The following CTDSPL2 variants were observed in gnomAD, a reference collection of about 807,000 sequenced individuals.
CTDSPL2 encodes the protein CTD small phosphatase-like protein 2.
A neutral mutation model predicts 60.0 loss-of-function variants in CTDSPL2; 5 were observed. The observed-to-expected ratio is 0.08, with a 90% CI of 0.04 to 0.18. The LOEUF (loss-of-function observed/expected upper bound fraction) is 0.18. Among genes scored for constraint, CTDSPL2 ranks in the 10% least tolerant of loss-of-function variants. The pLI, the probability that CTDSPL2 is intolerant of heterozygous loss-of-function variation, is 1.00. For missense variants in CTDSPL2, 370 were observed against 548.8 expected (o/e 0.67, Z 3.26); for synonymous variants, 186 against 189.3 (o/e 0.98, Z 0.14).
At chr15:44,497,609 A>T (rs1384457482) in intron 7 of CTDSPL2, among the ~76,000 whole-genome samples, 1 of 152,026 alleles carries the variant, frequency 6.6e-6, no homozygotes, top group Admixed American at 6.6e-5. Flanking sequence ...TGACCTCATG[A>T]TCCGCCCGCC....
intron 1 of CTDSPL2, among the ~76,000 whole-genome samples, chr15:44,446,189 G>T (rs777166862): frequency 5.9e-5 from 9 of 152,100 alleles, no homozygotes; most frequent in Non-Finnish European, 1.0e-4. Flanking sequence ...CTCCCAAAGT[G>T]CTGGGATTAC....
chr15:44,476,093 A>G (rs538668482), intron 2 of CTDSPL2, among the ~76,000 whole-genome samples: 274 of 152,174 alleles, frequency 1.8e-3, no homozygotes, highest in African/African-American at 6.0e-3. Flanking sequence ...TTTGAGATGG[A>G]GTCTTCGCTC....
intron 1 of CTDSPL2, among the ~76,000 whole-genome samples, chr15:44,441,627 G>T (rs766129269): frequency 7.2e-5 from 11 of 152,086 alleles, no homozygotes; most frequent in Non-Finnish European, 1.2e-4. Flanking sequence ...AGGTGAGCCC[G>T]TGCTTGCTTT....
intron 1 of CTDSPL2, among the ~76,000 whole-genome samples, chr15:44,452,091 T>G (rs1052128169): frequency 4.6e-5 from 7 of 152,132 alleles, no homozygotes; most frequent in African/African-American, 1.7e-4. Context: ...TTCCAACAAA[T>G]CAGTGATCAA....
At chr15:44,430,620 G>A (rs2079837719) in intron 1 of CTDSPL2, among the ~76,000 whole-genome samples, 2 of 152,156 alleles carry the variant, frequency 1.3e-5, no homozygotes, top group African/African-American at 2.4e-5. Context: ...AAAATGGTTT[G>A]CCAGAATTTG....
Position 44,439,652 on chromosome 15 carries a change from T to C in CTDSPL2, c.-25+11880T>C, listed in dbSNP as rs573506206. Among the ~76,000 whole-genome samples the C allele has an allele frequency of 2.0e-4, 30 of 152,190 alleles. No individual in the cohort carries two copies. The South Asian group carries it at 4.8e-3, about 24-fold the overall frequency. On this transcript the variant is annotated intron_variant, in intron 1 of 12. Transcript: ENST00000260327. Reference sequence around the variant, plus strand: ...CATTTCAGGTTTTGTATTTTCAAATTAGGGATACTCAACCTGTAATTTATC... The same window carrying C: ...CATTTCAGGTTTTGTATTTTCAAATCAGGGATACTCAACCTGTAATTTATC...
chr15:44,474,043 G>T (rs1456123660), intron 2 of CTDSPL2, among the ~76,000 whole-genome samples: 2 of 152,078 alleles, frequency 1.3e-5, no homozygotes, highest in African/African-American at 2.4e-5. Flanking sequence ...GCCCAGGCTG[G>T]TCTCCAACTT....
rs761715308 is a variant in CTDSPL2 at position 44,490,961 on chromosome 15, C to G, written c.653C>G (p.Ala218Gly). 1 of 1,614,058 alleles carries G rather than the reference C, an allele frequency of 6.2e-7. No homozygotes were observed. Among genetic ancestry groups the G allele is most frequent in the Non-Finnish European group, 8.5e-7 (1 of 1,179,986 alleles). ...RPSLNNGLEE[A>G]EETVNRDIPP... ...TCACTAAACAATGGTTTAGAAGAAG[C>G]AGAAGAAACAGTTAATCGTGATATC... Residue 218 changes from alanine (A) to glycine (G), a missense_variant, in exon 5 of 13, where the codon GCA (alanine) becomes GGA (glycine). This residue lies in a region of CTDSPL2 where 287 missense variants were observed against 296.1 expected (regional missense o/e 0.97). Transcript: ENST00000260327.
intron 8 of CTDSPL2, among the ~76,000 whole-genome samples, chr15:44,502,251 A>C (rs1042712819): frequency 1.3e-5 from 2 of 151,966 alleles, no homozygotes; most frequent in African/African-American, 2.4e-5. Context: ...TAGCATTTAC[A>C]TATATATGTA....
In CTDSPL2 at chr15:44,486,718, A is replaced by C; in HGVS notation, c.475+18A>C. ...TAAAAATGGTAAGTATAAACTGTTA[A>C]CTGTGATTTGGATTTTTTTTAAAAA... On this transcript the variant is annotated intron_variant, in intron 4 of 12. Transcript: ENST00000260327. The C allele has an allele frequency of 6.7e-7, 1 of 1,490,028 alleles. No individual in the cohort carries two copies. The highest frequency in any genetic ancestry group is 9.0e-7 in the Non-Finnish European group (1 of 1,116,072). 92.3% of individuals were successfully genotyped at this position (1,490,028 alleles called of 1,614,324 possible).
chr15:44,497,021 T>C lies in CTDSPL2; in HGVS notation c.771-6T>C. On this transcript the variant is annotated splice_polypyrimidine_tract_variant and splice_region_variant and intron_variant, in intron 6 of 12. Coordinates refer to ENST00000260327, the MANE Select transcript of CTDSPL2 (RefSeq NM_016396.3). ...TGTTGAAATTTTCTTAAAATCTGAT[T>C]TATAGCTATTATTTCATCAAACATG... The C allele has an allele frequency of 6.6e-7, 1 of 1,521,320 alleles. No homozygotes were observed. The highest frequency in any genetic ancestry group is 9.1e-7 in the Non-Finnish European group (1 of 1,099,690). 94.2% of individuals were successfully genotyped at this position (1,521,320 alleles called of 1,614,324 possible).
chr15:44,478,311 G>A (rs766141903), intron 2 of CTDSPL2, among the ~76,000 whole-genome samples: 7 of 151,738 alleles, frequency 4.6e-5, no homozygotes, highest in Non-Finnish European at 7.4e-5. Flanking sequence ...AATTTCCTCA[G>A]CGTGGTGGCA....
At chr15:44,470,192 A>G (rs540765781) in intron 2 of CTDSPL2, among the ~76,000 whole-genome samples, 1 of 151,088 alleles carries the variant, frequency 6.6e-6, no homozygotes, top group South Asian at 2.1e-4. Flanking sequence ...GAGGGATGTT[A>G]AAATCACTTA....
intron 8 of CTDSPL2, among the ~76,000 whole-genome samples, chr15:44,507,104 CTG>C (rs769812973): frequency 6.8e-6 from 1 of 146,478 alleles, no homozygotes; most frequent in Non-Finnish European, 1.5e-5. Context: ...TTAAATAAGA[CTG>C]AGTCTCGCTA....
intron 8 of CTDSPL2, among the ~76,000 whole-genome samples, chr15:44,514,168 T>G (rs934957335): frequency 2.0e-5 from 3 of 152,220 alleles, no homozygotes; most frequent in Admixed American, 6.5e-5. Flanking sequence ...AGCAGGTGGT[T>G]GTTTGAAGGA....
chr15:44,485,047 C>A (rs1298455299), intron 3 of CTDSPL2, among the ~76,000 whole-genome samples: 1 of 152,078 alleles, frequency 6.6e-6, no homozygotes, highest in Non-Finnish European at 1.5e-5. Context: ...TCACTTAGTC[C>A]AGTAGGTTTC....
At chr15:44,510,404 G>GT (rs2081546667) in intron 8 of CTDSPL2, among the ~76,000 whole-genome samples, 1 of 152,040 alleles carries the variant, frequency 6.6e-6, no homozygotes, top group Non-Finnish European at 1.5e-5. Context: ...ATCTTGAATA[G>GT]TTTTTTAAAT....
chr15:44,435,546 G>A (rs1264885853), intron 1 of CTDSPL2, among the ~76,000 whole-genome samples: 4 of 151,044 alleles, frequency 2.6e-5, no homozygotes, highest in South Asian at 2.1e-4. Context: ...TCCAGCCTGG[G>A]CAAGGAGAGA....
intron 1 of CTDSPL2, among the ~76,000 whole-genome samples, chr15:44,453,249 T>A (rs2080365982): frequency 6.6e-6 from 1 of 152,188 alleles, no homozygotes; most frequent in African/African-American, 2.4e-5. Context: ...TTCAGCCTTT[T>A]ATCATGTATG....
Sources: allele counts gnomAD v4.1 joint callset (sites outside exome capture counted in the v4.1 genomes callset), GRCh38; gene constraint gnomAD v4.1.1; regional missense constraint gnomAD v4.1.1; transcripts MANE v1.5; gene names NCBI Gene and HGNC (gene_info 2026-07-23, HGNC 2026-07-21).